The following MUC4 variants were observed in gnomAD, a reference collection of about 807,000 sequenced individuals.
MUC4 encodes the protein mucin 4, cell surface associated, also known as mucin-4.
In MUC4, 202 loss-of-function variants were observed where a neutral mutation model predicts 257.9. The observed-to-expected ratio is 0.78, with a 90% confidence interval of 0.70 to 0.88. The LOEUF (loss-of-function observed/expected upper bound fraction) is 0.88, where lower values mean the gene tolerates loss of function less well. MUC4 is among the 40% of genes least tolerant of loss of function. The probability of loss-of-function intolerance (pLI) is 0.00; values close to 1 mark genes in which losing one functional copy is unlikely to be tolerated. For synonymous variants in MUC4, 2,351 were observed against 2,757.1 expected (o/e 0.85, Z 4.62); for missense variants, 5,976 against 6,513.7 (o/e 0.92, Z 2.84).
chr3:195,750,749 G>C, intron 23 of MUC4, 140 bp downstream of exon 23: 1 of 801,048 alleles, frequency 1.2e-6, no homozygotes, highest in East Asian at 2.7e-5. Flanking sequence ...CTAAAAAGCA[G>C]CTGGACAAAA....
At chr3:195,805,895 C>G (rs1482549324) in intron 1 of MUC4, among the ~76,000 whole-genome samples, 1 of 151,880 alleles carries the variant, frequency 6.6e-6, no homozygotes, top group Non-Finnish European at 1.5e-5. Flanking sequence ...GTAAGCAGAT[C>G]ACTTGAGGTC....
intron 6 of MUC4, chr3:195,769,723 T>C (rs535555110): frequency 6.2e-6 from 1 of 160,952 alleles, no homozygotes; most frequent in South Asian, 1.9e-4. Context: ...ACAGAGGAGA[T>C]GGTGTGGCGC....
chr3:195,786,666 A>T lies in MUC4; in HGVS notation c.4914T>A (p.Ala1638=). 6.6e-7 allele frequency: 1 copy of T among 1,526,566 alleles called. No homozygotes were observed. Among genetic ancestry groups the T allele is most frequent in the South Asian group, 1.2e-5 (1 of 82,914 alleles). The allele number at this position is 1,526,566 out of a possible 1,614,324, so 94.6% of individuals were successfully genotyped here. A position where few individuals can be genotyped will look rare whatever the true frequency, so the allele number is the denominator to read the frequency against. ...TGGCGTGACCTGTGGATAATGAGGA[A>T]GCATTGGTGACAGGAAGAGGGGTGG... ...GDTTPLPVTN[A]SSLSTGHATP... Residue 1638 remains alanine (A), a synonymous_variant, in exon 2 of 25, where the codon GCT becomes GCA. Coordinates refer to ENST00000463781, the MANE Select transcript of MUC4 (RefSeq NM_018406.7).
At chr3:195,798,499 C>T (rs1317965724) in intron 1 of MUC4, among the ~76,000 whole-genome samples, 5 of 152,168 alleles carry the variant, frequency 3.3e-5, no homozygotes, top group Non-Finnish European at 4.4e-5. Context: ...GTCAGGAGAT[C>T]GAGACCATCC....
intron 24 of MUC4, among the ~76,000 whole-genome samples, chr3:195,747,627 G>A (rs1359166698): frequency 4.6e-5 from 7 of 152,288 alleles, no homozygotes; most frequent in African/African-American, 1.7e-4. Context: ...CACATTGAGA[G>A]GCTGAGGCGG....
chr3:195,809,791 G>T (rs1255857258), intron 1 of MUC4: 1 of 152,342 alleles, frequency 6.6e-6, no homozygotes, highest in East Asian at 1.9e-4. Flanking sequence ...TTAAATCACA[G>T]ATTTGGAAAC....
At position 195,747,435 on chromosome 3, in the gene MUC4, C is replaced by T. The variant is rs557477721; in HGVS notation, c.16035-55G>A. On this transcript the variant is annotated intron_variant, in intron 24 of 24. Transcript: ENST00000463781. ...CAGAGGCGGGAGCTCAGCCTCCCAG[C>T]CCCTCCTCTTCTGCTGGGGAAGAAG... The T allele has an allele frequency of 1.9e-6, 3 of 1,565,860 alleles. No individual in the cohort carries two copies. The Admixed American group carries it at 5.2e-5, about 27-fold the overall frequency.
chr3:195,761,585 C>T lies in MUC4; in HGVS notation c.14513G>A (p.Gly4838Glu), dbSNP rs1718914204. The stretch of plus-strand genomic sequence containing the variant: ...GTCCTCTGGATTGTTATTCCAGACC[C>T]CTGAGGGACAGAGTGGGAGGTTGGC... ...EYQNRTEGLL[G>E]VWNNNPEDDF... Residue 4838 changes from glycine to glutamate, a missense_variant and splice_region_variant, in exon 15 of 25, where the codon GGG becomes GAG. Gly to Glu is a moderately conservative substitution (Grantham distance 98, BLOSUM62 -2). This residue lies in a region of MUC4 where 996 missense variants were observed against 1,137.3 expected (regional missense o/e 0.88). Coordinates refer to ENST00000463781, the MANE Select transcript of MUC4 (RefSeq NM_018406.7). 13 of 1,612,922 alleles carry T rather than the reference C, an allele frequency of 8.1e-6. No individual in the cohort carries two copies. The highest frequency in any genetic ancestry group is 2.2e-5 in the East Asian group (1 of 44,880).
Position 195,788,482 on chromosome 3 carries a change from T to C in MUC4, c.3098A>G (p.Glu1033Gly), listed in dbSNP as rs13065435. ...TPLPVTDTSS[E>G]STGHVTPLPV... Reference sequence around the variant, plus strand: ...AAGAGGGGTGACGTGACCTGTGGATTCTGAGGAAGTGTCGGTGACAGGAAG... The same window carrying C: ...AAGAGGGGTGACGTGACCTGTGGATCCTGAGGAAGTGTCGGTGACAGGAAG... Residue 1033 changes from glutamate to glycine, a missense_variant, in exon 2 of 25, where the codon GAA becomes GGA. This residue lies in a region of MUC4 where 1,583 missense variants were observed against 1,257.4 expected (regional missense o/e 1.26). Coordinates refer to ENST00000463781, the MANE Select transcript of MUC4 (RefSeq NM_018406.7). 1 of 1,032,590 alleles carries C rather than the reference T, an allele frequency of 9.7e-7. No individual in the cohort carries two copies. Among genetic ancestry groups the C allele is most frequent in the African/African-American group, 2.9e-5 (1 of 34,658 alleles). The allele number at this position is 1,032,590 out of a possible 1,614,324, so 64.0% of individuals were successfully genotyped here.
rs557888446 is a variant in MUC4 at position 195,752,721 on chromosome 3, G to C, written c.15509-275C>G. Among the ~76,000 whole-genome samples the C allele has an allele frequency of 3.9e-5, 6 of 152,208 alleles. 1 individual carries two copies. The highest frequency in any genetic ancestry group is 1.4e-4 in the African/African-American group (6 of 41,538). On this transcript the variant is annotated intron_variant, in intron 20 of 24. Coordinates refer to ENST00000463781, the MANE Select transcript of MUC4 (RefSeq NM_018406.7). ...CACCCTACATTCCACAGTGACAGAAGGTTGCTGAAGAAACCGGGAGAAGTG... is the reference window on the plus strand; with the variant it reads ...CACCCTACATTCCACAGTGACAGAACGTTGCTGAAGAAACCGGGAGAAGTG...
chr3:195,757,216 G>A lies in MUC4; in HGVS notation c.15099C>T (p.Val5033=), dbSNP rs1560232178. 5.6e-6 allele frequency: 9 copies of A among 1,613,376 alleles called. No homozygotes were observed. The highest frequency in any genetic ancestry group is 6.8e-6 in the Non-Finnish European group (8 of 1,179,408). ...LASALQPRTV[V]CHCNAESQCL... Reference sequence around the variant, plus strand: ...ACTGGCTCTCTGCATTGCAATGGCAGACCACAGTCCTGGGCTGGAGTGCAG... The same window carrying A: ...ACTGGCTCTCTGCATTGCAATGGCAAACCACAGTCCTGGGCTGGAGTGCAG... Residue 5033 remains valine, a synonymous_variant, in exon 18 of 25, where the codon GTC becomes GTT. Transcript: ENST00000463781. This position sits in a 1 kb window ranked among gnomAD's most constrained non-coding sequence, Gnocchi z 4.8.
At position 195,781,286 on chromosome 3, in the gene MUC4, A is replaced by T. The variant is rs1345469028; in HGVS notation, c.10294T>A (p.Ser3432Thr). 2.8e-6 allele frequency: 4 copies of T among 1,422,930 alleles called. No individual in the cohort carries two copies. Among genetic ancestry groups the T allele is most frequent in the Non-Finnish European group, 2.8e-6 (3 of 1,058,624 alleles). The allele number at this position is 1,422,930 out of a possible 1,614,324, so 88.1% of individuals were successfully genotyped here. Reference protein sequence around the residue: ...ATPLPVTSTSSASTGHATPVP... With the variant: ...ATPLPVTSTSTASTGHATPVP... ...GGGGTGGCGTGACCGGTGGATGCTG[A>T]GGAAGTGCTGGTGACAGGAAGAGGG... is the stretch of plus-strand genomic sequence containing the variant. Residue 3432 changes from serine to threonine, a missense_variant, in exon 2 of 25, where the codon TCA becomes ACA. Physicochemically the swap from Ser to Thr is moderately conservative, Grantham distance 58 (BLOSUM62 1). Around this residue, in one of 44 missense-constraint regions of MUC4, gnomAD observed 297 missense variants for 240.9 expected, o/e 1.23. Transcript: ENST00000463781.
intron 19 of MUC4, 77 bp downstream of exon 19, chr3:195,754,136 T>C: frequency 2.0e-6 from 3 of 1,483,522 alleles, no homozygotes; most frequent in South Asian, 1.4e-5. Context: ...GAGAAATGGT[T>C]TGCCTTTGGC....
intron 19 of MUC4, chr3:195,753,883 T>C (rs572001894): frequency 6.4e-6 from 2 of 311,190 alleles, no homozygotes; most frequent in African/African-American, 2.1e-5. Context: ...GCTGCTGAAG[T>C]CTCCTCCCCA....
At chr3:195,754,652 C>G (rs915042151) in intron 18 of MUC4, among the ~76,000 whole-genome samples, 3 of 152,266 alleles carry the variant, frequency 2.0e-5, no homozygotes, top group African/African-American at 7.2e-5. Context: ...CTCTCACACT[C>G]TAGCTCTTTG....
At position 195,789,022 on chromosome 3, in the gene MUC4, C is replaced by G. The variant is rs767684941; in HGVS notation, c.2558G>C (p.Ser853Thr). 3.7e-6 allele frequency: 6 copies of G among 1,613,878 alleles called. No individual in the cohort carries two copies. Among genetic ancestry groups the G allele is most frequent in the Non-Finnish European group, 5.1e-6 (6 of 1,179,854 alleles). The change falls in exon 2 of 25, where the codon AGT becomes ACT. Residue 853 changes from serine to threonine, a missense_variant. By Grantham distance (58) the Ser-to-Thr change is moderately conservative. Coordinates refer to ENST00000463781, the MANE Select transcript of MUC4 (RefSeq NM_018406.7). ...TGTGCTTACTGGGATGGCACCATGA[C>G]TGGCTGAGGCGGACAGCAATTCGGT... ...STTELLSASA[S>T]HGAIPVSTGM...
Position 195,778,411 on chromosome 3 carries a change from C to T in MUC4, c.12835G>A (p.Ala4279Thr), listed in dbSNP as rs1251605333. 5 of 1,612,954 alleles carry T rather than the reference C, an allele frequency of 3.1e-6. No homozygotes were observed. Among genetic ancestry groups the T allele is most frequent in the African/African-American group, 1.3e-5 (1 of 74,956 alleles). ...GAGGTTGTGGGGGGTGGTGATGTGG[C>T]TGTGCGTCTCCCACCGTCTGTCTTC... ...SLKTDGGRRTATSPPPTTSQT... is the reference protein window; with the variant it reads ...SLKTDGGRRTTTSPPPTTSQT... The change falls in exon 3 of 25, where the codon GCC becomes ACC. Residue 4279 changes from alanine to threonine, a missense_variant. By Grantham distance (58) the Ala-to-Thr change is moderately conservative. Transcript: ENST00000463781.
chr3:195,803,368 C>T (rs1735589778), intron 1 of MUC4, among the ~76,000 whole-genome samples: 1 of 152,202 alleles, frequency 6.6e-6, no homozygotes, highest in East Asian at 1.9e-4. Flanking sequence ...TTCCCCTTTA[C>T]TAGTTTTGGT....
chr3:195,805,026 G>T (rs1252672681), intron 1 of MUC4, among the ~76,000 whole-genome samples: 2 of 152,156 alleles, frequency 1.3e-5, no homozygotes, highest in East Asian at 3.9e-4. Flanking sequence ...TTCAGCCGAG[G>T]CTGGAGAGAG....
Sources: allele counts gnomAD v4.1 joint callset (sites outside exome capture counted in the v4.1 genomes callset), GRCh38; gene constraint gnomAD v4.1.1; regional missense constraint gnomAD v4.1.1; non-coding constraint Gnocchi (gnomAD v3.1); transcripts MANE v1.5; gene names NCBI Gene and HGNC (gene_info 2026-07-23, HGNC 2026-07-21).